CNTN5: variants seen among roughly 807,000 people sequenced by gnomAD.
CNTN5 encodes contactin-5.
Under a neutral mutation model 129.1 loss-of-function variants are expected in CNTN5, and 77 were observed. The observed-to-expected ratio is 0.60, with a 90% CI of 0.50 to 0.72. The LOEUF (loss-of-function observed/expected upper bound fraction) is 0.72. Ranked by LOEUF, CNTN5 falls within the 30% of genes least tolerant of loss-of-function variation. CNTN5 has a pLI of 0.00. For synonymous variants in CNTN5, 509 were observed against 465.6 expected, an observed-to-expected ratio of 1.09 and a Z score of -1.20; for missense variants, 1,478 against 1,328.8, an observed-to-expected ratio of 1.11 and a Z score of -1.75.
chr11:100,009,454 A>C (rs1940392094), intron 9 of CNTN5, among the ~76,000 whole-genome samples: 1 of 150,156 alleles, frequency 6.7e-6, no homozygotes, highest in African/African-American at 2.4e-5. Flanking sequence ...CAAAGTGTAA[A>C]AAAAAAAATG....
At chr11:99,520,472 T>C (rs1394685633) in intron 2 of CNTN5, among the ~76,000 whole-genome samples, 1 of 152,118 alleles carries the variant, frequency 6.6e-6, no homozygotes, top group Non-Finnish European at 1.5e-5. Context: ...GGGAGCAGTT[T>C]CTTAAACTTC....
chr11:99,561,887 T>A (rs964758186), intron 3 of CNTN5, among the ~76,000 whole-genome samples: 3 of 152,148 alleles, frequency 2.0e-5, no homozygotes, highest in Non-Finnish European at 4.4e-5. Context: ...CAGTCAAGTA[T>A]GTGTGTTAGT....
chr11:100,053,149 A>C (rs556099414), intron 9 of CNTN5, among the ~76,000 whole-genome samples: 1 of 151,748 alleles, frequency 6.6e-6, no homozygotes, highest in Non-Finnish European at 1.5e-5. Flanking sequence ...TGTATTCTAC[A>C]AATACATAGA....
At chr11:99,812,627 G>T (rs1352830485) in intron 3 of CNTN5, among the ~76,000 whole-genome samples, 4 of 152,042 alleles carry the variant, frequency 2.6e-5, no homozygotes, top group African/African-American at 9.7e-5. Flanking sequence ...TTCCTCTCTT[G>T]CTCAAAGGCA....
intron 1 of CNTN5, among the ~76,000 whole-genome samples, chr11:99,036,443 AT>A (rs1262999626): frequency 6.6e-6 from 1 of 152,134 alleles, no homozygotes; most frequent in Non-Finnish European, 1.5e-5. Context: ...AATGTATCTA[AT>A]TTTTAATAGA....
At chr11:99,242,134 G>A (rs73532979) in intron 1 of CNTN5, among the ~76,000 whole-genome samples, 2,594 of 152,046 alleles carry the variant, frequency 0.017, 87 homozygotes, top group African/African-American at 0.06. Flanking sequence ...ACAAAACATG[G>A]CAGAAGGATT....
intron 3 of CNTN5, among the ~76,000 whole-genome samples, chr11:99,581,238 A>T (rs10790813): frequency 0.84 from 63,154 of 75,340 alleles, 26,719 homozygotes; most frequent in East Asian, 0.96. Context: ...TGCTGAGGAG[A>T]GCTTTACTTC....
intron 3 of CNTN5, among the ~76,000 whole-genome samples, chr11:99,747,962 T>C (rs567293225): frequency 6.6e-6 from 1 of 152,362 alleles, no homozygotes; most frequent in South Asian, 2.1e-4. Flanking sequence ...TATCTATTGA[T>C]ACTATCACAT....
chr11:99,298,856 G>A (rs79198566), intron 1 of CNTN5, among the ~76,000 whole-genome samples: 1 of 151,732 alleles, frequency 6.6e-6, no homozygotes, highest in African/African-American at 2.4e-5. Flanking sequence ...CCAGCCCCTA[G>A]GTAACTTCCC....
At chr11:100,213,095 T>C (rs1043704527) in intron 15 of CNTN5, among the ~76,000 whole-genome samples, 2 of 152,092 alleles carry the variant, frequency 1.3e-5, no homozygotes, top group African/African-American at 4.8e-5. Context: ...AAAGCAACGA[T>C]AAGCTTATAG....
intron 6 of CNTN5, among the ~76,000 whole-genome samples, chr11:99,863,481 G>A (rs1048517172): frequency 6.6e-6 from 1 of 152,184 alleles, no homozygotes; most frequent in South Asian, 2.1e-4. Flanking sequence ...TGAGGTAGAA[G>A]TATCTAGGAT....
chr11:99,568,174 T>G lies in CNTN5; in HGVS notation c.55+11905T>G, dbSNP rs549569370. Among the ~76,000 whole-genome samples the G allele has an allele frequency of 3.3e-5, 5 of 152,314 alleles. No individual in the cohort carries two copies. The South Asian group carries it at 1.0e-3, about 32-fold the overall frequency. The stretch of plus-strand genomic sequence containing the variant: ...TATGCAATGTACATCAAAAGTGTTT[T>G]GGAATCTAGAAGATGACATGGACAT... On this transcript the variant is annotated intron_variant, in intron 3 of 24. Coordinates refer to ENST00000524871, the MANE Select transcript of CNTN5 (RefSeq NM_014361.4).
intron 3 of CNTN5, among the ~76,000 whole-genome samples, chr11:99,692,931 C>T (rs916722678): frequency 5.9e-5 from 9 of 152,048 alleles, no homozygotes; most frequent in Admixed American, 3.9e-4. Context: ...GAAAGGGTTA[C>T]AGCCAATAAA....
chr11:100,317,937 T>C (rs116076439), intron 21 of CNTN5, among the ~76,000 whole-genome samples: 201 of 152,250 alleles, frequency 1.3e-3, no homozygotes, highest in African/African-American at 4.8e-3. Context: ...TGATATGTTT[T>C]ATCATATTTA....
chr11:100,277,347 G>A (rs149068094), intron 18 of CNTN5, among the ~76,000 whole-genome samples: 213 of 152,216 alleles, frequency 1.4e-3, no homozygotes, highest in African/African-American at 4.9e-3. Flanking sequence ...CTAGGAGTGG[G>A]ATTGCTAGAT....
chr11:99,107,938 T>TAAAA (rs55786739), intron 1 of CNTN5, among the ~76,000 whole-genome samples: 2 of 103,512 alleles, frequency 1.9e-5, no homozygotes, highest in African/African-American at 3.6e-5. Context: ...CTCAAAAAAG[T>TAAAA]AAAAAAAAAA....
intron 1 of CNTN5, among the ~76,000 whole-genome samples, chr11:99,269,583 C>T (rs1370966383): frequency 6.6e-6 from 1 of 151,786 alleles, no homozygotes; most frequent in African/African-American, 2.4e-5. Context: ...TGTCCTTACT[C>T]AGAGTCAATG....
At chr11:99,099,339 C>T (rs1191465730) in intron 1 of CNTN5, among the ~76,000 whole-genome samples, 1 of 152,096 alleles carries the variant, frequency 6.6e-6, no homozygotes, top group Non-Finnish European at 1.5e-5. Context: ...CTATACTCCA[C>T]AAATTTTAGC....
At chr11:100,284,271 G>T (rs1950714439) in intron 18 of CNTN5, among the ~76,000 whole-genome samples, 2 of 152,312 alleles carry the variant, frequency 1.3e-5, no homozygotes, top group Non-Finnish European at 1.5e-5. Flanking sequence ...AGTTTTATGT[G>T]TAGCAGTGTC....
Sources: allele counts gnomAD v4.1 joint callset (sites outside exome capture counted in the v4.1 genomes callset), GRCh38; gene constraint gnomAD v4.1.1; transcripts MANE v1.5; gene names NCBI Gene and HGNC (gene_info 2026-07-23, HGNC 2026-07-21).